CHST7: variants seen among roughly 807,000 people sequenced by gnomAD.
The protein encoded by CHST7 is N-acetylglucosamine 6-O-sulfotransferase 4.
A neutral mutation model predicts 9.0 loss-of-function variants in CHST7; 5 were observed. The ratio of observed to expected loss-of-function variants is 0.56; its 90% CI spans 0.29 to 1.17. CHST7 has a LOEUF of 1.17. CHST7 is among the 50% of genes most tolerant of loss of function. CHST7 has a pLI of 0.08. For synonymous variants in CHST7, 244 were observed against 237.1 expected (o/e 1.03, Z -0.27); for missense variants, 377 against 485.1 (o/e 0.78, Z 2.09).
chrX:46,576,630 G>A (rs1484829132), intron 1 of CHST7, among the ~76,000 whole-genome samples: 1 of 111,231 alleles, frequency 9.0e-6, no homozygotes, highest in African/African-American at 3.3e-5. Context: ...AGTTGGAAGG[G>A]TGCCGCCTTC....
At chrX:46,596,155 G>A (rs904872206) in intron 1 of CHST7, among the ~76,000 whole-genome samples, 31 of 108,752 alleles carry the variant, frequency 2.9e-4, no homozygotes, top group African/African-American at 9.7e-4. Context: ...AAAAAAAGTC[G>A]GCCCACCTGG....
At position 46,579,732 on chromosome X, in the gene CHST7, C is replaced by A. The variant is rs1387242354; in HGVS notation, c.*31+4309C>A. ...GGGTGCAGTAGCTCACACCTATAAT[C>A]CCAGCACTTTGGGAGGCTGAGGCAG... On this transcript the variant is annotated intron_variant, in intron 1 of 1. Transcript: ENST00000276055. 4.5e-5 allele frequency among the ~76,000 whole-genome samples: 5 copies of A among 112,090 alleles called. No individual in the cohort carries two copies. The South Asian group carries it at 1.9e-3, about 41-fold the overall frequency.
chrX:46,595,025 G>C (rs924403197), intron 1 of CHST7, among the ~76,000 whole-genome samples: 2 of 111,629 alleles, frequency 1.8e-5, no homozygotes, highest in African/African-American at 6.5e-5. Context: ...TCTCTATTCT[G>C]CTATTGAGCC....
At chrX:46,595,573 A>G (rs1258650394) in intron 1 of CHST7, among the ~76,000 whole-genome samples, 6 of 110,412 alleles carry the variant, frequency 5.4e-5, no homozygotes. Flanking sequence ...TAGAGGTAAC[A>G]GGCTTTTTTC....
In CHST7 at chrX:46,577,299, C is replaced by G. The variant is rs932092986; in HGVS notation, c.*31+1876C>G. On this transcript the variant is annotated intron_variant, in intron 1 of 1. Transcript: ENST00000276055. ...ACACTGGTGTTGCTGTTTGGAAGGC[C>G]GATGGGGCTTCCTTTGCAGGGCTGC... Among the ~76,000 whole-genome samples the G allele has an allele frequency of 4.5e-5, 5 of 109,984 alleles. No homozygotes were observed. The South Asian group carries it at 1.2e-3, about 26-fold the overall frequency.
chrX:46,578,057 A>G (rs887226713), intron 1 of CHST7, among the ~76,000 whole-genome samples: 2 of 110,515 alleles, frequency 1.8e-5, no homozygotes, highest in African/African-American at 6.6e-5. Context: ...TAGGGGCCGT[A>G]GCACCCTGAA....
At chrX:46,584,124 G>A (rs1230898482) in intron 1 of CHST7, among the ~76,000 whole-genome samples, 3 of 112,260 alleles carry the variant, frequency 2.7e-5, no homozygotes, top group African/African-American at 9.7e-5. Flanking sequence ...TGTGCCAGCA[G>A]ATTCCCCTCC....
intron 1 of CHST7, among the ~76,000 whole-genome samples, chrX:46,586,027 G>C (rs1317296834): frequency 8.9e-6 from 1 of 111,960 alleles, no homozygotes; most frequent in Non-Finnish European, 1.9e-5. Context: ...TTAGAGGGGT[G>C]AGTCACCACA....
chrX:46,574,540 G>A lies in CHST7; in HGVS notation c.609G>A (p.Ser203=). Residue 203 remains serine, a synonymous_variant, in exon 1 of 2, where the codon TCG becomes TCA. Coordinates refer to ENST00000276055, the MANE Select transcript of CHST7 (RefSeq NM_019886.4). ...FRWRTNKVIC[S]PPLCPGAPRA... is the part of the protein sequence containing the mutation. ...GGCGGACTAACAAGGTCATCTGCTC[G>A]CCGCCACTGTGTCCTGGCGCACCCC... 1 of 1,206,722 alleles carries A rather than the reference G, an allele frequency of 8.3e-7. No individual in the cohort carries two copies. Among genetic ancestry groups the A allele is most frequent in the South Asian group, 1.8e-5 (1 of 56,477 alleles).
rs950555282 is a variant in CHST7 at position 46,581,645 on chromosome X, G to A, written c.*31+6222G>A. ...AGTTTCGCTCTTGTTGCCCAGGCTG[G>A]AGTGCAATGGCACGATCTCGGCTCA... On this transcript the variant is annotated intron_variant, in intron 1 of 1. Transcript: ENST00000276055. Among the ~76,000 whole-genome samples the A allele has an allele frequency of 1.6e-3, 173 of 109,877 alleles. 1 individual carries two copies. The highest frequency in any genetic ancestry group is 2.0e-3 in the Non-Finnish European group (106 of 52,489).
chrX:46,591,616 C>T (rs1942573345), intron 1 of CHST7, among the ~76,000 whole-genome samples: 1 of 111,235 alleles, frequency 9.0e-6, no homozygotes, highest in African/African-American at 3.3e-5. Flanking sequence ...CTCAAGTGAT[C>T]TGCCCGCCTC....
rs779427067 is a variant in CHST7, at chrX:46,597,923, C to T, written c.*195C>T. 8.9e-6 allele frequency: 1 copy of T among 112,908 alleles called. No individual in the cohort carries two copies. The highest frequency in any genetic ancestry group is 1.9e-5 in the Non-Finnish European group (1 of 53,360). The allele number at this position is 112,908 out of a possible 1,213,427, so 9.3% of individuals were successfully genotyped here. ...AATATCATGAGCTGTTCAATAATGA[C>T]GGACGCATTGGTTGAGATGAAGTTT... On this transcript the variant is annotated 3_prime_UTR_variant, in exon 2 of 2. Transcript: ENST00000276055.
chrX:46,588,997 G>T (rs1331088148), intron 1 of CHST7, among the ~76,000 whole-genome samples: 1 of 111,623 alleles, frequency 9.0e-6, no homozygotes, highest in East Asian at 2.8e-4. Flanking sequence ...GAGACAGAGA[G>T]TAGCAAACAT....
intron 1 of CHST7, among the ~76,000 whole-genome samples, chrX:46,577,051 G>A (rs1020170293): frequency 2.7e-5 from 3 of 110,365 alleles, no homozygotes; most frequent in Non-Finnish European, 5.7e-5. Flanking sequence ...CAGGCCTGAG[G>A]GAACTCCTCC....
At chrX:46,588,004 G>GT (rs1292999291) in intron 1 of CHST7, among the ~76,000 whole-genome samples, 1 of 111,798 alleles carries the variant, frequency 8.9e-6, no homozygotes, top group Non-Finnish European at 1.9e-5. Context: ...CATCCAGCTG[G>GT]TGGTAACAGG....
rs1024195694 is a variant in CHST7 at position 46,586,950 on chromosome X, G to C, written c.*32-10810G>C. ...GGGTTTCTCCATGTTGGTCAGGCTG[G>C]TCTCAAACTCCCGACCTCAGCTGAT... On this transcript the variant is annotated intron_variant, in intron 1 of 1. Transcript: ENST00000276055. 3.6e-5 allele frequency among the ~76,000 whole-genome samples: 4 copies of C among 110,595 alleles called. No homozygotes were observed. In the East Asian group the frequency reaches 1.1e-3, roughly 31 times the overall value.
At chrX:46,583,685 T>C (rs916329923) in intron 1 of CHST7, among the ~76,000 whole-genome samples, 7 of 112,509 alleles carry the variant, frequency 6.2e-5, no homozygotes, top group Non-Finnish European at 1.3e-4. Flanking sequence ...CAAGTCGGTA[T>C]TGGGGTGCCC....
intron 1 of CHST7, among the ~76,000 whole-genome samples, chrX:46,585,509 C>T (rs908513358): frequency 4.5e-5 from 5 of 110,788 alleles, no homozygotes; most frequent in Admixed American, 9.6e-5. Context: ...AGGCTGGTCT[C>T]GAATTACTGA....
At chrX:46,585,287 TTTC>T (rs1262996639) in intron 1 of CHST7, among the ~76,000 whole-genome samples, 1 of 68,478 alleles carries the variant, frequency 1.5e-5, no homozygotes, top group Non-Finnish European at 2.4e-5. Context: ...CTTTTTTTCT[TTTC>T]TTTTCTTTTT....
Sources: gnomAD v4.1 joint callset for allele counts (sites outside exome capture counted in the v4.1 genomes callset) on GRCh38, gnomAD v4.1.1 for gene constraint, MANE v1.5 for transcripts, NCBI Gene and HGNC (gene_info 2026-07-23, HGNC 2026-07-21) for gene names.